Variants in PCDHA2 observed in about 807,000 individuals in gnomAD.
PCDHA2 encodes the protein protocadherin alpha-2.
PCDHA2 carries 58 observed loss-of-function variants against 66.0 expected under a neutral mutation model. The observed-to-expected ratio is 0.88, with a 90% CI of 0.71 to 1.09. The LOEUF (loss-of-function observed/expected upper bound fraction) is 1.09, where lower values mean the gene tolerates loss of function less well. Ranked by LOEUF, PCDHA2 falls within the 50% of genes least tolerant of loss-of-function variation. PCDHA2 has a pLI of 0.00. For missense variants in PCDHA2, 1,267 were observed against 1,242.3 expected, an observed-to-expected ratio of 1.02 and a Z score of -0.30; for synonymous variants, 634 against 554.0, an observed-to-expected ratio of 1.14 and a Z score of -2.03.
Position 140,858,304 on chromosome 5 carries a change from G to A in PCDHA2, c.2388+60952G>A, listed in dbSNP as rs1370473412. 5 of 1,597,320 alleles carry A rather than the reference G, an allele frequency of 3.1e-6. No homozygotes were observed. In the African/African-American group the frequency reaches 6.7e-5, roughly 21 times the overall value. ...GGAGCTGGTCTTACTCGCAGCAGAG[G>A]CGGCAGAGGGTGTGTTCTGGGGAGG... On this transcript the variant is annotated intron_variant, in intron 1 of 3. Transcript: ENST00000526136.
At chr5:140,968,288 C>T (rs782056996) in intron 1 of PCDHA2, 16 of 1,613,976 alleles carry the variant, frequency 9.9e-6, no homozygotes, top group Middle Eastern at 1.6e-4. Context: ...GACCTACTCC[C>T]TTCTGGAGAG....
chr5:141,000,279 G>A (rs528257063), intron 3 of PCDHA2, among the ~76,000 whole-genome samples: 60 of 151,092 alleles, frequency 4.0e-4, no homozygotes, highest in Middle Eastern at 3.4e-3. Context: ...GGAGGCAGAG[G>A]TGGGAATATT....
At position 140,884,053 on chromosome 5, in the gene PCDHA2, C is replaced by A. The variant is rs782043806; in HGVS notation, c.2388+86701C>A. The stretch of plus-strand genomic sequence containing the variant: ...CAGGCCACGTGGTGGCGAAGGTGCG[C>A]GCGGTGGACGCCGATTCGGGCTACA... On this transcript the variant is annotated intron_variant, in intron 1 of 3. Transcript: ENST00000526136. 10 of 1,613,378 alleles carry A rather than the reference C, an allele frequency of 6.2e-6. No homozygotes were observed. The Admixed American group carries it at 1.2e-4, about 19-fold the overall frequency.
chr5:140,904,742 T>G (rs1300439121), intron 1 of PCDHA2, among the ~76,000 whole-genome samples: 1 of 152,216 alleles, frequency 6.6e-6, no homozygotes, highest in African/African-American at 2.4e-5. Context: ...TTTTTTATTA[T>G]GACCATTTTT....
intron 1 of PCDHA2, among the ~76,000 whole-genome samples, chr5:140,905,354 A>T (rs926429746): frequency 3.3e-5 from 5 of 152,030 alleles, no homozygotes; most frequent in Non-Finnish European, 5.9e-5. Context: ...TAAGTATTTG[A>T]CTATATTTCT....
intron 1 of PCDHA2, chr5:140,801,021 A>G: frequency 7.0e-7 from 1 of 1,423,322 alleles, no homozygotes; most frequent in Admixed American, 3.0e-5. Context: ...GCTGTCCACC[A>G]CAAGGTCTTT....
intron 3 of PCDHA2, among the ~76,000 whole-genome samples, chr5:140,989,698 A>G (rs145222021): frequency 6.6e-6 from 1 of 152,344 alleles, no homozygotes; most frequent in African/African-American, 2.4e-5. Flanking sequence ...TGAAAATTTT[A>G]TCTTCAGAGG....
intron 1 of PCDHA2, among the ~76,000 whole-genome samples, chr5:140,971,248 A>G (rs552592175): frequency 6.6e-6 from 1 of 152,330 alleles, no homozygotes; most frequent in East Asian, 1.9e-4. Context: ...AATTTGATAC[A>G]TAAACTATTT....
At chr5:140,849,899 C>A in intron 1 of PCDHA2, 1 of 1,598,504 alleles carries the variant, frequency 6.3e-7, no homozygotes, top group South Asian at 1.1e-5. Flanking sequence ...AGGAGAACAA[C>A]CCGCCGGGCT....
chr5:140,903,647 T>A (rs1583499959), intron 1 of PCDHA2, among the ~76,000 whole-genome samples: 1 of 152,228 alleles, frequency 6.6e-6, no homozygotes, highest in East Asian at 1.9e-4. Flanking sequence ...ACCATATACA[T>A]ATATTATAAA....
chr5:140,939,607 A>G (rs1396731179), intron 1 of PCDHA2, among the ~76,000 whole-genome samples: 2 of 152,244 alleles, frequency 1.3e-5, no homozygotes, highest in Non-Finnish European at 2.9e-5. Flanking sequence ...CAAAAACAGA[A>G]CAAGGAGACA....
chr5:140,871,152 G>T lies in PCDHA2; in HGVS notation c.2388+73800G>T, dbSNP rs376980257. 913 of 1,613,436 alleles carry T rather than the reference G, an allele frequency of 5.7e-4. 8 individuals carry two copies. In the South Asian group the frequency reaches 9.3e-3, roughly 16 times the overall value. Reference sequence around the variant, plus strand: ...CAAAGGCCTCTTCCCGGACTTTGGCGGGCGCCGCGAGCCCAGAGGCTGCGC... The same window carrying T: ...CAAAGGCCTCTTCCCGGACTTTGGCTGGCGCCGCGAGCCCAGAGGCTGCGC... On this transcript the variant is annotated intron_variant, in intron 1 of 3. Transcript: ENST00000526136.
intron 1 of PCDHA2, chr5:140,877,898 A>G: frequency 6.9e-7 from 1 of 1,445,150 alleles, no homozygotes. Context: ...CGTTTAGGTT[A>G]TAACTACATT....
intron 1 of PCDHA2, among the ~76,000 whole-genome samples, chr5:140,922,818 C>G (rs530870255): frequency 6.6e-6 from 1 of 152,326 alleles, no homozygotes; most frequent in South Asian, 2.1e-4. Context: ...GGAGATACAG[C>G]ATACTGCTAA....
chr5:140,923,339 A>C (rs1341190939), intron 1 of PCDHA2, among the ~76,000 whole-genome samples: 2 of 152,154 alleles, frequency 1.3e-5, no homozygotes, highest in Non-Finnish European at 2.9e-5. Context: ...CAGTTTGGGC[A>C]ACATAGTGGG....
In PCDHA2 at chr5:141,009,724, T is replaced by A. The variant is rs1554262325; in HGVS notation, c.2634T>A (p.Gly878=). The change falls in exon 4 of 4, where the codon GGT becomes GGA. Residue 878 remains glycine (G), a synonymous_variant. Transcript: ENST00000526136. ...KYGPGNPKQS[G]PGELPDKFII... is the part of the protein sequence containing the mutation. ...GACCAGGCAACCCCAAACAATCCGG[T>A]CCCGGTGAGTTGCCCGACAAATTCA... 6.2e-7 allele frequency: 1 copy of A among 1,614,116 alleles called. No individual in the cohort carries two copies. The highest frequency in any genetic ancestry group is 2.2e-5 in the East Asian group (1 of 44,868).
chr5:140,823,742 C>T (rs1767853747), intron 1 of PCDHA2: 2 of 1,613,716 alleles, frequency 1.2e-6, no homozygotes, highest in Non-Finnish European at 1.7e-6. Context: ...CATGGAGAGC[C>T]CCCGCTGACA....
intron 1 of PCDHA2, among the ~76,000 whole-genome samples, chr5:140,949,848 C>T (rs534650997): frequency 2.2e-4 from 34 of 151,738 alleles, no homozygotes; most frequent in African/African-American, 6.0e-4. Flanking sequence ...CTTCTGTTTC[C>T]GCTTATCTGT....
chr5:140,798,523 C>T (rs1363414619), intron 1 of PCDHA2, among the ~76,000 whole-genome samples: 2 of 152,116 alleles, frequency 1.3e-5, no homozygotes, highest in African/African-American at 4.8e-5. Context: ...GATAAATCAT[C>T]CTTTCAGTAT....
Sources: gnomAD v4.1 joint callset for allele counts (sites outside exome capture counted in the v4.1 genomes callset) on GRCh38, gnomAD v4.1.1 for gene constraint, MANE v1.5 for transcripts, NCBI Gene and HGNC (gene_info 2026-07-23, HGNC 2026-07-21) for gene names.